DENND2C: variants seen among roughly 807,000 people sequenced by gnomAD.
DENND2C encodes the protein DENN domain containing 2C.
In DENND2C, 72 loss-of-function variants were observed where a neutral mutation model predicts 112.4. The ratio of observed to expected loss-of-function variants is 0.64; its 90% CI spans 0.53 to 0.78. The LOEUF (loss-of-function observed/expected upper bound fraction) is 0.78, where lower values mean the gene tolerates loss of function less well. Ranked by LOEUF, DENND2C falls within the 30% of genes least tolerant of loss-of-function variation. The probability of loss-of-function intolerance (pLI) is 0.00; values close to 1 mark genes in which losing one functional copy is unlikely to be tolerated. For synonymous variants in DENND2C, 329 were observed against 381.6 expected (o/e 0.86, Z 1.61); for missense variants, 992 against 1,113.8 (o/e 0.89, Z 1.56).
chr1:114,645,827 A>G (rs1485552749), intron 2 of DENND2C, among the ~76,000 whole-genome samples: 1 of 152,202 alleles, frequency 6.6e-6, no homozygotes, highest in East Asian at 1.9e-4. Context: ...AGCTTTACAG[A>G]TAACACATTC....
intron 16 of DENND2C, among the ~76,000 whole-genome samples, chr1:114,596,342 C>G (rs1655341130): frequency 6.6e-6 from 1 of 152,116 alleles, no homozygotes; most frequent in African/African-American, 2.4e-5. Context: ...GCCTGGGTGA[C>G]AGAGTGAGAC....
In DENND2C at chr1:114,625,543, T is replaced by A. The variant is rs1257534048; in HGVS notation, c.442A>T (p.Ile148Leu). 10 of 1,614,026 alleles carry A rather than the reference T, an allele frequency of 6.2e-6. No homozygotes were observed. Among genetic ancestry groups the A allele is most frequent in the Non-Finnish European group, 8.5e-7 (1 of 1,180,018 alleles). Residue 148 changes from isoleucine to leucine, a missense_variant, in exon 4 of 21, where the codon ATA becomes TTA. Physicochemically the swap from Ile to Leu is conservative, Grantham distance 5. Transcript: ENST00000393274. The part of the protein sequence containing the change: ...LPPGNFYTSQ[I>L]LWKKIEALPP... ...AGTGCTTCTATTTTCTTCCACAGTATTTGTGAGGTATAGAAGTTTCCTGGA... is the reference window on the plus strand; with the variant it reads ...AGTGCTTCTATTTTCTTCCACAGTAATTGTGAGGTATAGAAGTTTCCTGGA...
intron 4 of DENND2C, among the ~76,000 whole-genome samples, chr1:114,624,291 GAATTT>G (rs1468304719): frequency 6.6e-6 from 1 of 151,894 alleles, no homozygotes; most frequent in East Asian, 1.9e-4. Context: ...AGATTTTTTT[GAATTT>G]AATTTTTATT....
At chr1:114,597,158 T>C (rs534608278) in intron 16 of DENND2C, among the ~76,000 whole-genome samples, 10 of 152,226 alleles carry the variant, frequency 6.6e-5, no homozygotes, top group Non-Finnish European at 1.3e-4. Context: ...AAAAGACATG[T>C]TAACGCCAGG....
intron 5 of DENND2C, 22 bp downstream of exon 5, chr1:114,623,485 C>T (rs1202606309): frequency 6.3e-7 from 1 of 1,593,940 alleles, no homozygotes; most frequent in Non-Finnish European, 8.5e-7. Flanking sequence ...CTAAATTTAA[C>T]TGCAAAGTTG....
chr1:114,668,438 C>G (rs575562626), intron 1 of DENND2C, among the ~76,000 whole-genome samples: 1 of 151,866 alleles, frequency 6.6e-6, no homozygotes, highest in South Asian at 2.1e-4. Flanking sequence ...TAATTTCCAG[C>G]TTTAGAAAAC....
At chr1:114,639,651 CT>C (rs1226262139) in intron 3 of DENND2C, among the ~76,000 whole-genome samples, 2 of 146,166 alleles carry the variant, frequency 1.4e-5, no homozygotes, top group South Asian at 2.2e-4. Flanking sequence ...CTATTTGGTT[CT>C]TTTTTTCTTC....
In DENND2C at chr1:114,616,671, C is replaced by T. The variant is rs377346992; in HGVS notation, c.1324+1715G>A. 1.3e-3 allele frequency among the ~76,000 whole-genome samples: 201 copies of T among 151,874 alleles called. 1 individual carries two copies. The highest frequency in any genetic ancestry group is 4.3e-3 in the African/African-American group (178 of 41,400). ...GAGTTCAAGATCAGCCTGGCCAACA[C>T]GATGAAACCCCGTCTCTACTACAAA... On this transcript the variant is annotated intron_variant, in intron 8 of 20. Coordinates refer to ENST00000393274, the MANE Select transcript of DENND2C (RefSeq NM_001256404.2).
intron 2 of DENND2C, among the ~76,000 whole-genome samples, chr1:114,651,958 A>G (rs948766143): frequency 3.9e-5 from 6 of 152,128 alleles, no homozygotes; most frequent in Non-Finnish European, 4.4e-5. Context: ...ATGGGATGTT[A>G]GAGCTTCAGC....
At chr1:114,631,730 C>T (rs1237809018) in intron 3 of DENND2C, among the ~76,000 whole-genome samples, 4 of 151,790 alleles carry the variant, frequency 2.6e-5, no homozygotes, top group Admixed American at 2.6e-4. Context: ...TGCAGTGAGC[C>T]GAGATTGTGA....
chr1:114,669,958 C>G (rs1298470029), intron 1 of DENND2C, 25 bp downstream of exon 1: 1 of 152,582 alleles, frequency 6.6e-6, no homozygotes, highest in African/African-American at 2.4e-5. Context: ...CTTAAAACCC[C>G]GCGCCGAATC....
At chr1:114,661,704 A>G (rs1027199363) in intron 1 of DENND2C, among the ~76,000 whole-genome samples, 2 of 152,150 alleles carry the variant, frequency 1.3e-5, no homozygotes, top group Non-Finnish European at 2.9e-5. Flanking sequence ...TCAGGTGACC[A>G]TTTCCCTCAA....
At chr1:114,665,895 C>T (rs973846670) in intron 1 of DENND2C, among the ~76,000 whole-genome samples, 1 of 152,180 alleles carries the variant, frequency 6.6e-6, no homozygotes, top group Non-Finnish European at 1.5e-5. Context: ...CTTCAATTAA[C>T]ACTTACTGGC....
chr1:114,622,986 C>T lies in DENND2C; in HGVS notation c.1056+1G>A. 6.2e-7 allele frequency: 1 copy of T among 1,607,060 alleles called. No individual in the cohort carries two copies. Among genetic ancestry groups the T allele is most frequent in the Non-Finnish European group, 8.5e-7 (1 of 1,175,170 alleles). On this transcript the variant is annotated splice_donor_variant, in intron 6 of 20. Coordinates refer to ENST00000393274, the MANE Select transcript of DENND2C (RefSeq NM_001256404.2). LOFTEE classifies it high-confidence loss of function. ...TTCTTCAATTCATTATCTGGTTATA[C>T]CTTGGGTGCTTTAAAAGCACTTTTA...
rs78486894 is a variant in DENND2C at position 114,649,300 on chromosome 1, A to G, written c.-316-3741T>C. 3.3e-3 allele frequency among the ~76,000 whole-genome samples: 498 copies of G among 152,296 alleles called. 3 individuals carry two copies. Among genetic ancestry groups the G allele is most frequent in the African/African-American group, 0.011 (472 of 41,552 alleles). ...TTAAAAATCCCCTTCAAAGTAAAAA[A>G]TAACTGTCCCAAACTAGAACTTTTC... On this transcript the variant is annotated intron_variant, in intron 2 of 20. Transcript: ENST00000393274.
intron 1 of DENND2C, among the ~76,000 whole-genome samples, chr1:114,655,883 A>AATATATATATATATATATATAT (rs10525704): frequency 1.6e-5 from 2 of 125,882 alleles, no homozygotes; most frequent in Admixed American, 7.9e-5. Context: ...TATATGTATA[A>AATATATATATATATATATATAT]ATATATATAT....
rs956150229 is a variant in DENND2C at position 114,583,861 on chromosome 1, CAA to C, written c.*1737_*1738del. On this transcript the variant is annotated 3_prime_UTR_variant, in exon 21 of 21. Coordinates refer to ENST00000393274, the MANE Select transcript of DENND2C (RefSeq NM_001256404.2). ...ACACACACACACACACATACACACACAAAAAAAACACTGCACCATCACTGAAA... is the reference window on the plus strand; with the variant it reads ...ACACACACACACACACATACACACACAAAAAACACTGCACCATCACTGAAA... 1 of 148,588 alleles carries C rather than the reference CAA, an allele frequency of 6.7e-6. No homozygotes were observed. Among genetic ancestry groups the C allele is most frequent in the East Asian group, 2.0e-4 (1 of 5,074 alleles). 9.2% of individuals were successfully genotyped at this position (148,588 alleles called of 1,614,324 possible).
chr1:114,604,346 C>T lies in DENND2C; in HGVS notation c.1667+576G>A, dbSNP rs1655601588. ...CAAAGCAGGCATCTATTAATATTTA[C>T]AAGCAGAATTCAGAGATTATGATAG... On this transcript the variant is annotated intron_variant, in intron 11 of 20. Transcript: ENST00000393274. 2.6e-5 allele frequency among the ~76,000 whole-genome samples: 4 copies of T among 152,198 alleles called. No homozygotes were observed. In the South Asian group the frequency reaches 8.3e-4, roughly 31 times the overall value.
At chr1:114,620,246 G>A (rs1656127933) in intron 7 of DENND2C, among the ~76,000 whole-genome samples, 1 of 152,210 alleles carries the variant, frequency 6.6e-6, no homozygotes, top group Non-Finnish European at 1.5e-5. Context: ...AGGGTCACAG[G>A]TAGAAATGCT....
Sources: allele counts gnomAD v4.1 joint callset (sites outside exome capture counted in the v4.1 genomes callset), GRCh38; gene constraint gnomAD v4.1.1; transcripts MANE v1.5; gene names NCBI Gene and HGNC (gene_info 2026-07-23, HGNC 2026-07-21).